The following PABPC1 variants were observed in gnomAD, a reference collection of about 807,000 sequenced individuals.
The protein encoded by PABPC1 is polyadenylate-binding protein 1.
PABPC1 carries 4 observed loss-of-function variants against 74.0 expected under a neutral mutation model. The ratio of observed to expected loss-of-function variants is 0.05; its 90% CI spans 0.03 to 0.12. PABPC1 has a LOEUF of 0.12. PABPC1 is among the 10% of genes least tolerant of loss of function. The probability of loss-of-function intolerance (pLI) is 1.00; values close to 1 mark genes in which losing one functional copy is unlikely to be tolerated. For missense variants in PABPC1, 271 were observed against 821.1 expected (o/e 0.33, Z 8.19); for synonymous variants, 227 against 264.1 (o/e 0.86, Z 1.36).
intron 4 of PABPC1, among the ~76,000 whole-genome samples, chr8:100,714,189 T>C (rs1348125353): frequency 1.3e-5 from 2 of 152,230 alleles, no homozygotes; most frequent in African/African-American, 4.8e-5. Context: ...ATTCACATAT[T>C]TGTGGTCAAC....
chr8:100,709,415 A>G, intron 8 of PABPC1, 44 bp downstream of exon 8: 1 of 1,608,412 alleles, frequency 6.2e-7, no homozygotes, highest in Middle Eastern at 1.7e-4. Context: ...AGAAATGACC[A>G]AATACGAAAA....
At chr8:100,709,103 C>T (rs1300735421) in intron 9 of PABPC1, 30 bp downstream of exon 9, 1 of 1,543,482 alleles carries the variant, frequency 6.5e-7, no homozygotes, top group Non-Finnish European at 8.9e-7. Context: ...AACTCAATCC[C>T]CAACCTTAAT....
intron 7 of PABPC1, among the ~76,000 whole-genome samples, chr8:100,710,344 A>G (rs1437461967): frequency 6.6e-6 from 1 of 152,236 alleles, no homozygotes; most frequent in Non-Finnish European, 1.5e-5. Flanking sequence ...AGCAATATAT[A>G]TAAGCATGCT....
intron 1 of PABPC1, 108 bp from the exon 2 acceptor site, chr8:100,718,388 T>C (rs1425826724): frequency 3.6e-6 from 3 of 822,164 alleles, no homozygotes; most frequent in East Asian, 2.7e-5. Context: ...GGTCTCACAG[T>C]TGAACGCTTC....
chr8:100,715,391 G>GT, intron 4 of PABPC1, 71 bp downstream of exon 4: 1 of 1,325,094 alleles, frequency 7.5e-7, no homozygotes, highest in Non-Finnish European at 1.0e-6. Context: ...TTAGTATAAA[G>GT]TAATAGCTAA....
chr8:100,710,325 C>T (rs918637089), intron 7 of PABPC1, among the ~76,000 whole-genome samples: 1 of 152,136 alleles, frequency 6.6e-6, no homozygotes, highest in Non-Finnish European at 1.5e-5. Flanking sequence ...AAGAACCACT[C>T]GCTAGGCCAG....
chr8:100,720,731 C>T (rs1408186541), intron 1 of PABPC1, among the ~76,000 whole-genome samples: 1 of 152,172 alleles, frequency 6.6e-6, no homozygotes, highest in Non-Finnish European at 1.5e-5. Flanking sequence ...TAGGGGAAAC[C>T]CCAAATGCAT....
chr8:100,710,034 C>G (rs767649513), intron 7 of PABPC1, among the ~76,000 whole-genome samples: 1 of 152,168 alleles, frequency 6.6e-6, no homozygotes, highest in African/African-American at 2.4e-5. Flanking sequence ...ATTTAATTAT[C>G]TAAATAAATA....
intron 1 of PABPC1, among the ~76,000 whole-genome samples, chr8:100,718,666 G>C (rs190096534): frequency 1.0e-3 from 153 of 152,256 alleles, no homozygotes; most frequent in Non-Finnish European, 1.7e-3. Flanking sequence ...TTACGCAACA[G>C]ATTTATCTAC....
At chr8:100,718,764 ATAT>A (rs1810737373) in intron 1 of PABPC1, among the ~76,000 whole-genome samples, 1 of 152,216 alleles carries the variant, frequency 6.6e-6, no homozygotes, top group Non-Finnish European at 1.5e-5. Flanking sequence ...ATAACTAACA[ATAT>A]TATATGAAAA....
intron 11 of PABPC1, 120 bp from the exon 12 acceptor site, chr8:100,705,793 T>G (rs1587144534): frequency 2.9e-6 from 2 of 693,104 alleles, no homozygotes; most frequent in East Asian, 2.7e-5. Flanking sequence ...GTGGAGAAGT[T>G]GAGTGAGCGA....
At position 100,721,995 on chromosome 8, in the gene PABPC1, T is replaced by G. The variant is rs1232918631; in HGVS notation, c.-412A>C. On this transcript the variant is annotated 5_prime_UTR_variant, in exon 1 of 15. Coordinates refer to ENST00000318607, the MANE Select transcript of PABPC1 (RefSeq NM_002568.4). This position sits in a 1 kb window ranked among gnomAD's most constrained non-coding sequence, Gnocchi z 7.4. ...TTTTGGGGTTTTTTAAAAGATTTTT[T>G]TAGATTTTTTTTGGATTTTTTAATA... The G allele has an allele frequency of 6.2e-6, 1 of 161,858 alleles. No individual in the cohort carries two copies. Among genetic ancestry groups the G allele is most frequent in the Non-Finnish European group, 1.3e-5 (1 of 74,948 alleles). 10.0% of individuals were successfully genotyped at this position (161,858 alleles called of 1,614,324 possible).
chr8:100,715,160 T>TAC (rs1021527115), intron 4 of PABPC1, among the ~76,000 whole-genome samples: 2 of 90,848 alleles, frequency 2.2e-5, no homozygotes, highest in East Asian at 2.9e-4. Context: ...CACACACACA[T>TAC]ATATATCTCC....
In PABPC1 at chr8:100,709,702, C is replaced by T; in HGVS notation, c.1002G>A (p.Gly334=). The change falls in exon 8 of 15, where the codon GGG becomes GGA. Residue 334 remains glycine (G), a synonymous_variant. Transcript: ENST00000318607. The stretch of plus-strand genomic sequence containing the variant: ...GGGAGGAGAAACATACAAAACCAAA[C>T]CCTTTGCTGCGACCACCCTCCATCA... ...KVMMEGGRSK[G]FGFVCFSSPE... 6.2e-7 allele frequency: 1 copy of T among 1,613,452 alleles called. No individual in the cohort carries two copies. Among genetic ancestry groups the T allele is most frequent in the Non-Finnish European group, 8.5e-7 (1 of 1,179,650 alleles).
At chr8:100,704,808 T>C in intron 13 of PABPC1, 118 bp downstream of exon 13, 1 of 1,034,600 alleles carries the variant, frequency 9.7e-7, no homozygotes, top group Non-Finnish European at 1.4e-6. Flanking sequence ...TTATGCAGAC[T>C]TTACAACTGT....
intron 1 of PABPC1, among the ~76,000 whole-genome samples, chr8:100,718,694 T>C (rs985310282): frequency 2.0e-5 from 3 of 152,222 alleles, no homozygotes; most frequent in African/African-American, 7.2e-5. Flanking sequence ...AAGTAGTTTA[T>C]AGATTTAAAT....
At chr8:100,710,847 C>T (rs1049062705) in intron 7 of PABPC1, among the ~76,000 whole-genome samples, 1 of 151,996 alleles carries the variant, frequency 6.6e-6, no homozygotes, top group African/African-American at 2.4e-5. Context: ...ATTAGCCGGG[C>T]ATGGTGGCAG....
At chr8:100,717,970 A>G (rs1300527497) in intron 2 of PABPC1, 82 bp from the exon 3 acceptor site, 2 of 1,342,794 alleles carry the variant, frequency 1.5e-6, no homozygotes, top group Non-Finnish European at 2.1e-6. Flanking sequence ...TCTGTTAGCC[A>G]TCTAACCTGG....
At chr8:100,711,812 C>T (rs1350118318) in intron 7 of PABPC1, among the ~76,000 whole-genome samples, 4 of 152,216 alleles carry the variant, frequency 2.6e-5, no homozygotes, top group African/African-American at 4.8e-5. Context: ...CTTCCCCAAC[C>T]CCAGCAAAAT....
Sources: allele counts gnomAD v4.1 joint callset (sites outside exome capture counted in the v4.1 genomes callset), GRCh38; gene constraint gnomAD v4.1.1; non-coding constraint Gnocchi (gnomAD v3.1); transcripts MANE v1.5; gene names NCBI Gene and HGNC (gene_info 2026-07-23, HGNC 2026-07-21).